The following NRG3 variants were observed in gnomAD, a reference collection of about 807,000 sequenced individuals.
NRG3 encodes the protein pro-neuregulin-3, membrane-bound isoform.
NRG3 carries 31 observed loss-of-function variants against 66.9 expected under a neutral mutation model. The observed-to-expected ratio is 0.46, with a 90% confidence interval of 0.35 to 0.63. NRG3 has a LOEUF of 0.63. Ranked by LOEUF, NRG3 falls within the 20% of genes least tolerant of loss-of-function variation. NRG3 has a pLI of 0.00. For missense variants in NRG3, 910 were observed against 878.9 expected (o/e 1.04, Z -0.45); for synonymous variants, 393 against 359.4 (o/e 1.09, Z -1.06).
intron 2 of NRG3, among the ~76,000 whole-genome samples, chr10:82,427,945 C>T (rs768325449): frequency 2.6e-5 from 4 of 151,660 alleles, no homozygotes; most frequent in Non-Finnish European, 5.9e-5. Context: ...TAGTTTGTAC[C>T]CTTTTAAGAA....
intron 1 of NRG3, among the ~76,000 whole-genome samples, chr10:81,920,028 C>T (rs901034578): frequency 6.6e-6 from 1 of 152,160 alleles, no homozygotes. Flanking sequence ...TAAGACGTGC[C>T]TCAAGGCAGA....
intron 4 of NRG3, 136 bp downstream of exon 4, chr10:82,865,573 G>A (rs925188867): frequency 1.9e-5 from 16 of 824,590 alleles, no homozygotes; most frequent in Non-Finnish European, 2.6e-5. Context: ...AAATACTCTT[G>A]TCGAGTTTTC....
At chr10:82,979,151 G>T (rs200987862) in intron 8 of NRG3, 31 bp downstream of exon 8, 1 of 1,608,602 alleles carries the variant, frequency 6.2e-7, no homozygotes, top group South Asian at 1.1e-5. Flanking sequence ...GGAATTTAGG[G>T]AGGGTGTCTT....
At chr10:82,945,393 C>A (rs1035336499) in intron 4 of NRG3, among the ~76,000 whole-genome samples, 1 of 152,030 alleles carries the variant, frequency 6.6e-6, no homozygotes, top group African/African-American at 2.4e-5. Context: ...AGTGAGGAGA[C>A]CAAGGTTGGA....
At chr10:81,998,979 T>C (rs2133652085) in intron 1 of NRG3, among the ~76,000 whole-genome samples, 1 of 152,218 alleles carries the variant, frequency 6.6e-6, no homozygotes, top group East Asian at 1.9e-4. Context: ...GATTTTTGTA[T>C]TTTAATAGAG....
chr10:82,668,555 A>T (rs2052986373), intron 2 of NRG3, among the ~76,000 whole-genome samples: 1 of 152,154 alleles, frequency 6.6e-6, no homozygotes, highest in African/African-American at 2.4e-5. Flanking sequence ...AATATCAAAC[A>T]CTGTAATCTT....
Position 81,875,641 on chromosome 10 carries a change from G to A in NRG3, c.301G>A (p.Asp101Asn). 6.2e-7 allele frequency: 1 copy of A among 1,613,744 alleles called. No individual in the cohort carries two copies. Among genetic ancestry groups the A allele is most frequent in the South Asian group, 1.1e-5 (1 of 91,078 alleles). ...CTCCGTCAAGGAGTACGTGCCCACC[G>A]ACCTAGTGGACTCCAAGGGGATGGG... ...VGSVKEYVPT[D>N]LVDSKGMGQD... The change falls in exon 1 of 9, where the codon GAC becomes AAC. Residue 101 changes from aspartate (D) to asparagine (N), a missense_variant. Transcript: ENST00000372141. This position sits in a 1 kb window ranked among gnomAD's most constrained non-coding sequence, Gnocchi z 5.3.
intron 1 of NRG3, among the ~76,000 whole-genome samples, chr10:81,918,339 G>A (rs966218554): frequency 3.9e-5 from 6 of 152,134 alleles, no homozygotes; most frequent in African/African-American, 1.4e-4. Context: ...TCTGACTCAG[G>A]CTTGAATTCA....
At chr10:81,986,957 C>T (rs1264922649) in intron 1 of NRG3, among the ~76,000 whole-genome samples, 1 of 152,154 alleles carries the variant, frequency 6.6e-6, no homozygotes, top group Non-Finnish European at 1.5e-5. Flanking sequence ...GCTGGGATTC[C>T]ACAACCTTTA....
intron 2 of NRG3, among the ~76,000 whole-genome samples, chr10:82,607,192 T>C (rs2048021985): frequency 6.6e-6 from 1 of 152,208 alleles, no homozygotes; most frequent in Non-Finnish European, 1.5e-5. Flanking sequence ...ATTGAAATCT[T>C]CAACTATAAT....
intron 3 of NRG3, among the ~76,000 whole-genome samples, chr10:82,864,738 A>G (rs1404417026): frequency 6.6e-6 from 1 of 152,216 alleles, no homozygotes; most frequent in Admixed American, 6.5e-5. Context: ...AGACATGGAC[A>G]CACATATTTG....
At chr10:82,246,225 G>A (rs971508393) in intron 1 of NRG3, among the ~76,000 whole-genome samples, 2 of 151,980 alleles carry the variant, frequency 1.3e-5, no homozygotes, top group Admixed American at 6.6e-5. Flanking sequence ...AAGACTTGGG[G>A]CAGTGACCAT....
intron 1 of NRG3, among the ~76,000 whole-genome samples, chr10:81,892,292 A>G (rs932193333): frequency 1.4e-4 from 22 of 152,076 alleles, no homozygotes; most frequent in Non-Finnish European, 2.6e-4. Flanking sequence ...GTATATATAT[A>G]TACATATTCC....
At chr10:81,886,115 G>A (rs1003150019) in intron 1 of NRG3, among the ~76,000 whole-genome samples, 5 of 152,026 alleles carry the variant, frequency 3.3e-5, no homozygotes, top group African/African-American at 1.2e-4. Flanking sequence ...CATGGCACAC[G>A]TTTACCTATG....
chr10:82,173,319 T>C (rs1311495963), intron 1 of NRG3, among the ~76,000 whole-genome samples: 1 of 152,024 alleles, frequency 6.6e-6, no homozygotes, highest in Non-Finnish European at 1.5e-5. Flanking sequence ...AGTTTTACAT[T>C]AGCTGTGAAA....
intron 1 of NRG3, among the ~76,000 whole-genome samples, chr10:82,201,295 A>G (rs2074808184): frequency 1.3e-5 from 2 of 151,832 alleles, no homozygotes; most frequent in Admixed American, 1.3e-4. Flanking sequence ...GCCAGAGGGA[A>G]GGAGTTTCAC....
intron 2 of NRG3, among the ~76,000 whole-genome samples, chr10:82,374,883 A>G (rs2085115034): frequency 6.6e-6 from 1 of 152,152 alleles, no homozygotes; most frequent in Non-Finnish European, 1.5e-5. Context: ...AAGCTTATGG[A>G]AACGTCTGTT....
intron 2 of NRG3, among the ~76,000 whole-genome samples, chr10:82,538,232 A>C (rs1314210960): frequency 6.6e-6 from 1 of 152,194 alleles, no homozygotes; most frequent in African/African-American, 2.4e-5. Context: ...TGATTTTCCC[A>C]GGCAGAAAGT....
chr10:82,260,772 G>A (rs1360540523), intron 1 of NRG3, among the ~76,000 whole-genome samples: 1 of 152,132 alleles, frequency 6.6e-6, no homozygotes, highest in East Asian at 1.9e-4. Context: ...ATACAGGCAG[G>A]ACACAATAAA....
Sources: gnomAD v4.1 joint callset for allele counts (sites outside exome capture counted in the v4.1 genomes callset) on GRCh38, gnomAD v4.1.1 for gene constraint, Gnocchi (gnomAD v3.1) non-coding constraint, MANE v1.5 for transcripts, NCBI Gene and HGNC (gene_info 2026-07-23, HGNC 2026-07-21) for gene names.